Variants in NLGN1 observed in about 807,000 individuals in gnomAD.
NLGN1 encodes neuroligin 1, also known as neuroligin-1.
NLGN1 carries 12 observed loss-of-function variants against 65.5 expected under a neutral mutation model. The observed-to-expected ratio is 0.18, with a 90% confidence interval of 0.12 to 0.30. The LOEUF is 0.30. Among genes scored for constraint, NLGN1 ranks in the 10% least tolerant of loss-of-function variants. NLGN1 has a pLI of 1.00. For missense variants in NLGN1, 750 were observed against 1,007.1 expected (o/e 0.74, Z 3.46); for synonymous variants, 350 against 359.5 (o/e 0.97, Z 0.30).
At chr3:173,690,213 A>G (rs578237636) in intron 3 of NLGN1, among the ~76,000 whole-genome samples, 1 of 152,306 alleles carries the variant, frequency 6.6e-6, no homozygotes, top group South Asian at 2.1e-4. Context: ...GGCTTGTATT[A>G]AATATTGTGC....
At chr3:173,806,752 T>G (rs1005555355) in intron 3 of NLGN1, among the ~76,000 whole-genome samples, 1 of 152,128 alleles carries the variant, frequency 6.6e-6, no homozygotes, top group Non-Finnish European at 1.5e-5. Context: ...ATATTATTTC[T>G]AGATCCTTGT....
intron 2 of NLGN1, among the ~76,000 whole-genome samples, chr3:173,593,249 G>T (rs1210273767): frequency 6.6e-6 from 1 of 152,038 alleles, no homozygotes; most frequent in Non-Finnish European, 1.5e-5. Flanking sequence ...TGATTCAAGG[G>T]TACATGTGCA....
chr3:174,085,122 C>A (rs1047829831), intron 4 of NLGN1, among the ~76,000 whole-genome samples: 1 of 151,766 alleles, frequency 6.6e-6, no homozygotes, highest in East Asian at 1.9e-4. Context: ...AAAATTTGCT[C>A]CTTAGGGATG....
intron 4 of NLGN1, among the ~76,000 whole-genome samples, chr3:174,223,805 A>G (rs771279574): frequency 6.6e-6 from 1 of 152,212 alleles, no homozygotes; most frequent in African/African-American, 2.4e-5. Flanking sequence ...TGGTGCCTAC[A>G]GTAGCATGAC....
chr3:174,107,286 C>G (rs932711124), intron 4 of NLGN1, among the ~76,000 whole-genome samples: 1 of 152,120 alleles, frequency 6.6e-6, no homozygotes, highest in Non-Finnish European at 1.5e-5. Flanking sequence ...CAGCTCCACC[C>G]TCTCCTAAAC....
chr3:174,074,543 G>T (rs1224167044), intron 4 of NLGN1, among the ~76,000 whole-genome samples: 1 of 152,256 alleles, frequency 6.6e-6, no homozygotes, highest in South Asian at 2.1e-4. Flanking sequence ...GGAATAAAAT[G>T]CAAGTCATAA....
intron 2 of NLGN1, among the ~76,000 whole-genome samples, chr3:173,539,640 A>ATACATATATCACATATATGTATATATG: frequency 8.9e-6 from 1 of 111,812 alleles, no homozygotes; most frequent in African/African-American, 4.7e-5. Context: ...ATACACATAT[A>ATACATATATCACATATATGTATATATG]TACATATATA....
At chr3:173,543,744 T>C (rs1739285723) in intron 2 of NLGN1, among the ~76,000 whole-genome samples, 1 of 152,150 alleles carries the variant, frequency 6.6e-6, no homozygotes, top group Non-Finnish European at 1.5e-5. Context: ...GAACTCTAAA[T>C]CTGTGCTAGT....
intron 4 of NLGN1, among the ~76,000 whole-genome samples, chr3:173,944,123 G>GT: frequency 1.6e-5 from 2 of 124,942 alleles, no homozygotes; most frequent in African/African-American, 3.5e-5. Context: ...TTAATATTAT[G>GT]GGTGTGTGTG....
intron 4 of NLGN1, among the ~76,000 whole-genome samples, chr3:173,850,002 A>T (rs1390278979): frequency 2.0e-5 from 3 of 152,144 alleles, no homozygotes; most frequent in African/African-American, 7.2e-5. Context: ...TATTACATAT[A>T]TACACATGAT....
intron 2 of NLGN1, among the ~76,000 whole-genome samples, chr3:173,588,198 T>A (rs961147868): frequency 2.0e-5 from 3 of 152,228 alleles, no homozygotes; most frequent in African/African-American, 7.2e-5. Context: ...CTAATGTTTT[T>A]ATTGCTTTTT....
At chr3:174,055,562 A>G (rs750069614) in intron 4 of NLGN1, among the ~76,000 whole-genome samples, 4 of 152,024 alleles carry the variant, frequency 2.6e-5, no homozygotes, top group Non-Finnish European at 5.9e-5. Flanking sequence ...GATGTGTGAA[A>G]TCATTAAAGA....
intron 4 of NLGN1, among the ~76,000 whole-genome samples, chr3:174,199,446 A>G (rs1236492762): frequency 9.2e-6 from 1 of 108,168 alleles, no homozygotes; most frequent in Non-Finnish European, 2.0e-5. Context: ...TCTAAAAAGC[A>G]CTATTTTCTA....
intron 4 of NLGN1, among the ~76,000 whole-genome samples, chr3:174,162,893 A>G (rs1214525292): frequency 6.6e-6 from 1 of 151,762 alleles, no homozygotes; most frequent in Non-Finnish European, 1.5e-5. Context: ...AGGATTAGGT[A>G]AATGAAATAT....
intron 5 of NLGN1, among the ~76,000 whole-genome samples, chr3:174,278,128 C>T (rs756256678): frequency 2.0e-5 from 3 of 151,948 alleles, no homozygotes; most frequent in Non-Finnish European, 4.4e-5. Context: ...CAGTAGTGTA[C>T]ATTCAACAGC....
At chr3:174,122,252 C>T (rs1023906931) in intron 4 of NLGN1, among the ~76,000 whole-genome samples, 7 of 152,150 alleles carry the variant, frequency 4.6e-5, no homozygotes, top group Admixed American at 1.3e-4. Flanking sequence ...TATTTTCCCC[C>T]GTATAGCAGA....
At chr3:173,945,096 T>C (rs1358173387) in intron 4 of NLGN1, among the ~76,000 whole-genome samples, 1 of 152,004 alleles carries the variant, frequency 6.6e-6, no homozygotes, top group Non-Finnish European at 1.5e-5. Context: ...TTGACCTGAT[T>C]TGAAAGTCAA....
intron 4 of NLGN1, among the ~76,000 whole-genome samples, chr3:174,160,311 T>C (rs1561188123): frequency 6.6e-6 from 1 of 151,728 alleles, no homozygotes; most frequent in Non-Finnish European, 1.5e-5. Flanking sequence ...TGTAGACCTG[T>C]AGATCCTGAT....
intron 3 of NLGN1, among the ~76,000 whole-genome samples, chr3:173,692,240 G>C (rs1404944892): frequency 6.6e-6 from 1 of 152,042 alleles, no homozygotes; most frequent in Non-Finnish European, 1.5e-5. Context: ...TAATTATTCT[G>C]CTGGTAGATG....
Sources: gnomAD v4.1 joint callset for allele counts (sites outside exome capture counted in the v4.1 genomes callset) on GRCh38, gnomAD v4.1.1 for gene constraint, MANE v1.5 for transcripts, NCBI Gene and HGNC (gene_info 2026-07-23, HGNC 2026-07-21) for gene names.